Variants in ADAMTSL1 observed in about 807,000 individuals in gnomAD.
ADAMTSL1 encodes ADAMTS-like protein 1.
In ADAMTSL1, 126 loss-of-function variants were observed where a neutral mutation model predicts 201.8. The observed-to-expected ratio is 0.62, with a 90% CI of 0.54 to 0.72. The LOEUF is 0.72. ADAMTSL1 is among the 30% of genes least tolerant of loss of function. The probability of loss-of-function intolerance (pLI) is 0.00; values close to 1 mark genes in which losing one functional copy is unlikely to be tolerated. For missense variants in ADAMTSL1, 2,679 were observed against 2,277.8 expected, an observed-to-expected ratio of 1.18 and a Z score of -3.59; for synonymous variants, 1,121 against 903.4, an observed-to-expected ratio of 1.24 and a Z score of -4.32.
chr9:18,505,988 T>G (rs1442964148), intron 2 of ADAMTSL1, among the ~76,000 whole-genome samples: 3 of 152,182 alleles, frequency 2.0e-5, no homozygotes, highest in Non-Finnish European at 4.4e-5. Context: ...CATTGAAACA[T>G]GAAAGACCAT....
intron 1 of ADAMTSL1, among the ~76,000 whole-genome samples, chr9:18,146,698 A>G (rs982569747): frequency 6.6e-6 from 1 of 152,150 alleles, no homozygotes; most frequent in Non-Finnish European, 1.5e-5. Flanking sequence ...ATGCTCAAAC[A>G]ATATTTGGTG....
At chr9:18,630,550 C>A (rs142903912) in intron 5 of ADAMTSL1, among the ~76,000 whole-genome samples, 11 of 152,272 alleles carry the variant, frequency 7.2e-5, no homozygotes, top group East Asian at 1.9e-4. Context: ...ATCTACTGAG[C>A]TCTACAGGTC....
At chr9:18,267,981 A>G (rs891524976) in intron 2 of ADAMTSL1, among the ~76,000 whole-genome samples, 1 of 152,188 alleles carries the variant, frequency 6.6e-6, no homozygotes, top group Non-Finnish European at 1.5e-5. Context: ...TAAGGTACAG[A>G]TTTAAAAAAT....
At chr9:18,211,351 T>C (rs1012870553) in intron 2 of ADAMTSL1, among the ~76,000 whole-genome samples, 1 of 152,186 alleles carries the variant, frequency 6.6e-6, no homozygotes. Flanking sequence ...CATTTCATTC[T>C]ACAGATGTGA....
intron 4 of ADAMTSL1, among the ~76,000 whole-genome samples, chr9:18,586,382 A>G (rs894544713): frequency 1.3e-5 from 2 of 152,272 alleles, no homozygotes; most frequent in Middle Eastern, 3.4e-3. Context: ...CAGCTAATCA[A>G]TTAGAGAGGT....
intron 2 of ADAMTSL1, among the ~76,000 whole-genome samples, chr9:18,435,761 G>A (rs956990872): frequency 4.6e-5 from 7 of 152,278 alleles, no homozygotes; most frequent in Non-Finnish European, 8.8e-5. Flanking sequence ...CACATCTTAC[G>A]TGGATGGTGG....
chr9:18,071,445 C>A (rs888593835), intron 1 of ADAMTSL1, among the ~76,000 whole-genome samples: 1 of 152,058 alleles, frequency 6.6e-6, no homozygotes, highest in Non-Finnish European at 1.5e-5. Flanking sequence ...TTAAAGGAAC[C>A]GGAGTTCAGA....
At chr9:18,245,126 C>T (rs1396975350) in intron 2 of ADAMTSL1, among the ~76,000 whole-genome samples, 1 of 152,052 alleles carries the variant, frequency 6.6e-6, no homozygotes, top group Non-Finnish European at 1.5e-5. Context: ...ATTCCTACCT[C>T]ATTATATCAG....
At chr9:18,380,134 A>C (rs1029469614) in intron 2 of ADAMTSL1, among the ~76,000 whole-genome samples, 3 of 152,054 alleles carry the variant, frequency 2.0e-5, no homozygotes, top group African/African-American at 7.2e-5. Flanking sequence ...AAGATTTCTC[A>C]CTGTTTATTT....
intron 4 of ADAMTSL1, among the ~76,000 whole-genome samples, chr9:18,580,988 A>T (rs1374946158): frequency 2.0e-5 from 3 of 152,020 alleles, no homozygotes; most frequent in African/African-American, 7.2e-5. Context: ...GGTTAAAAAA[A>T]TCCCAAATTC....
intron 2 of ADAMTSL1, among the ~76,000 whole-genome samples, chr9:18,181,524 A>G (rs954671263): frequency 1.7e-4 from 26 of 152,038 alleles, no homozygotes; most frequent in Non-Finnish European, 2.5e-4. Flanking sequence ...CAGCCAAAAA[A>G]CACATGAAAA....
At chr9:18,729,541 T>C (rs1263937986) in intron 15 of ADAMTSL1, among the ~76,000 whole-genome samples, 1 of 152,218 alleles carries the variant, frequency 6.6e-6, no homozygotes, top group African/African-American at 2.4e-5. Context: ...TGTTTGTTTA[T>C]GTGTAAAGGG....
rs191702712 is a variant in ADAMTSL1 at position 18,215,426 on chromosome 9, T to C, written c.207+51445T>C. Among the ~76,000 whole-genome samples the C allele has an allele frequency of 2.1e-3, 316 of 152,322 alleles. 1 individual carries two copies. Among genetic ancestry groups the C allele is most frequent in the African/African-American group, 6.7e-3 (280 of 41,574 alleles). On this transcript the variant is annotated intron_variant, in intron 2 of 29. Coordinates refer to the ADAMTSL1 transcript ENST00000680146. Reference sequence around the variant, plus strand: ...TGAAGACAAGAAATATTGTATTTTATGAAGTAAACATATTTATGAGTTATA... The same window carrying C: ...TGAAGACAAGAAATATTGTATTTTACGAAGTAAACATATTTATGAGTTATA...
At chr9:18,551,528 AT>A (rs1279674664) in intron 3 of ADAMTSL1, among the ~76,000 whole-genome samples, 1 of 144,788 alleles carries the variant, frequency 6.9e-6, no homozygotes, top group African/African-American at 2.6e-5. Context: ...TTGGGGGAAG[AT>A]TTTTCATTAC....
intron 1 of ADAMTSL1, among the ~76,000 whole-genome samples, chr9:18,100,862 A>G (rs1824483521): frequency 6.6e-6 from 1 of 152,188 alleles, no homozygotes; most frequent in Admixed American, 6.5e-5. Context: ...TCCAGTAAAC[A>G]CCTGTTGGGT....
At chr9:18,600,533 C>T (rs552189069) in intron 4 of ADAMTSL1, among the ~76,000 whole-genome samples, 7 of 152,258 alleles carry the variant, frequency 4.6e-5, no homozygotes, top group Non-Finnish European at 5.9e-5. Flanking sequence ...TGACTGGATA[C>T]CAAGAATTGG....
intron 1 of ADAMTSL1, among the ~76,000 whole-genome samples, chr9:18,068,122 C>T (rs556899971): frequency 1.2e-4 from 19 of 152,154 alleles, no homozygotes; most frequent in Admixed American, 5.2e-4. Flanking sequence ...TGGCCAAAAA[C>T]GTACTTCCTG....
intron 23 of ADAMTSL1, among the ~76,000 whole-genome samples, chr9:18,879,686 A>G (rs999472005): frequency 6.6e-6 from 1 of 152,238 alleles, no homozygotes; most frequent in Non-Finnish European, 1.5e-5. Flanking sequence ...GCCTTAAGCA[A>G]GTCTAATCTT....
chr9:18,865,217 T>A (rs555876788), intron 23 of ADAMTSL1, among the ~76,000 whole-genome samples: 12 of 149,180 alleles, frequency 8.0e-5, no homozygotes, highest in African/African-American at 2.2e-4. Flanking sequence ...TAGGCCCCGG[T>A]GTGTGATGTT....
Sources: gnomAD v4.1 joint callset for allele counts (sites outside exome capture counted in the v4.1 genomes callset) on GRCh38, gnomAD v4.1.1 for gene constraint, MANE v1.5 for transcripts, NCBI Gene and HGNC (gene_info 2026-07-23, HGNC 2026-07-21) for gene names.